Variants in RBMS3 observed in about 807,000 individuals in gnomAD.
RBMS3 encodes RNA-binding motif, single-stranded-interacting protein 3.
In RBMS3, 27 loss-of-function variants were observed where a neutral mutation model predicts 66.8. The ratio of observed to expected loss-of-function variants is 0.40; its 90% confidence interval spans 0.30 to 0.56. The LOEUF (loss-of-function observed/expected upper bound fraction) is 0.56. Among genes scored for constraint, RBMS3 ranks in the 20% least tolerant of loss-of-function variants. The probability of loss-of-function intolerance (pLI) is 0.40; values close to 1 mark genes in which losing one functional copy is unlikely to be tolerated. For synonymous variants in RBMS3, 188 were observed against 183.0 expected (o/e 1.03, Z -0.22); for missense variants, 513 against 549.5 (o/e 0.93, Z 0.66).
At chr3:29,990,998 T>TAGAAG in intron 13 of RBMS3, 84 bp from the exon 14 acceptor site, 3 of 1,372,926 alleles carry the variant, frequency 2.2e-6, no homozygotes, top group Non-Finnish European at 1.0e-6. Flanking sequence ...TTAAGCCAAA[T>TAGAAG]AGAAGAGGGG....
chr3:29,284,582 C>A (rs773746895), intron 1 of RBMS3, among the ~76,000 whole-genome samples: 1 of 151,986 alleles, frequency 6.6e-6, no homozygotes, highest in Non-Finnish European at 1.5e-5. Flanking sequence ...GAAGAACTTG[C>A]GACACTTCCC....
intron 8 of RBMS3, among the ~76,000 whole-genome samples, chr3:29,884,661 G>A (rs2059826696): frequency 6.6e-6 from 1 of 151,802 alleles, no homozygotes; most frequent in African/African-American, 2.4e-5. Context: ...TCAGGTGATT[G>A]CATCTTCATT....
intron 1 of RBMS3, among the ~76,000 whole-genome samples, chr3:29,409,061 G>T (rs1441934727): frequency 6.6e-6 from 1 of 152,150 alleles, no homozygotes; most frequent in Non-Finnish European, 1.5e-5. Context: ...TGAGAAAACA[G>T]CCTCTGTCAG....
At chr3:29,308,851 G>A (rs2034194345) in intron 1 of RBMS3, among the ~76,000 whole-genome samples, 1 of 148,418 alleles carries the variant, frequency 6.7e-6, no homozygotes, top group African/African-American at 2.5e-5. Flanking sequence ...GGAAAACCTT[G>A]AATGCCATGG....
At chr3:29,622,996 A>G (rs997573942) in intron 4 of RBMS3, among the ~76,000 whole-genome samples, 5 of 151,468 alleles carry the variant, frequency 3.3e-5, no homozygotes, top group Non-Finnish European at 7.4e-5. Context: ...GGGCGCCTGT[A>G]GTCCCAGCTA....
intron 3 of RBMS3, among the ~76,000 whole-genome samples, chr3:29,557,524 C>A (rs117276363): frequency 9.9e-5 from 15 of 152,138 alleles, no homozygotes; most frequent in Admixed American, 6.6e-4. Flanking sequence ...TTGCTTGGAA[C>A]GAAGGATTTT....
intron 4 of RBMS3, among the ~76,000 whole-genome samples, chr3:29,637,237 A>G (rs1008520281): frequency 6.6e-6 from 1 of 151,720 alleles, no homozygotes; most frequent in Admixed American, 6.6e-5. Context: ...GCCTGTGCAA[A>G]TGAAGGCAGC....
chr3:29,720,675 T>C (rs1447032502), intron 4 of RBMS3, among the ~76,000 whole-genome samples: 1 of 148,964 alleles, frequency 6.7e-6, no homozygotes, highest in Non-Finnish European at 1.5e-5. Flanking sequence ...TTTTAAGAAT[T>C]CATGAGTTCC....
chr3:29,843,230 G>A (rs1057064889), intron 6 of RBMS3, among the ~76,000 whole-genome samples: 1 of 152,090 alleles, frequency 6.6e-6, no homozygotes, highest in Non-Finnish European at 1.5e-5. Context: ...TTTTTGTCAC[G>A]AGAACGTAAA....
At chr3:29,523,585 C>A (rs2044953668) in intron 3 of RBMS3, among the ~76,000 whole-genome samples, 1 of 152,098 alleles carries the variant, frequency 6.6e-6, no homozygotes, top group South Asian at 2.1e-4. Flanking sequence ...AAAAATACTT[C>A]TCATTGATAG....
At chr3:29,956,299 TGA>T (rs1696038493) in intron 12 of RBMS3, among the ~76,000 whole-genome samples, 1 of 152,118 alleles carries the variant, frequency 6.6e-6, no homozygotes, top group South Asian at 2.1e-4. Context: ...TCAAATCTTG[TGA>T]GTTTTTCTGA....
chr3:29,784,275 C>T (rs980238520), intron 6 of RBMS3, among the ~76,000 whole-genome samples: 2 of 151,754 alleles, frequency 1.3e-5, no homozygotes, highest in Admixed American at 6.6e-5. Context: ...GAGCATTCTC[C>T]AAGATAGACC....
intron 1 of RBMS3, among the ~76,000 whole-genome samples, chr3:29,378,849 AT>A (rs754950960): frequency 2.8e-3 from 260 of 93,220 alleles, no homozygotes; most frequent in Non-Finnish European, 4.6e-3. Context: ...AAACAAAAAA[AT>A]ATATAAAACC....
chr3:29,777,447 C>T (rs1364232320), intron 6 of RBMS3, among the ~76,000 whole-genome samples: 1 of 151,886 alleles, frequency 6.6e-6, no homozygotes, highest in Non-Finnish European at 1.5e-5. Flanking sequence ...TTAATTCTCT[C>T]TTAATGCGTT....
chr3:29,712,865 A>G (rs965107597), intron 4 of RBMS3, among the ~76,000 whole-genome samples: 1 of 152,072 alleles, frequency 6.6e-6, no homozygotes, highest in African/African-American at 2.4e-5. Context: ...AATGAAATAC[A>G]TCTCCAGTTT....
At chr3:29,664,000 A>T (rs1439629729) in intron 4 of RBMS3, among the ~76,000 whole-genome samples, 1 of 152,166 alleles carries the variant, frequency 6.6e-6, no homozygotes, top group Non-Finnish European at 1.5e-5. Flanking sequence ...AGGTATTGAA[A>T]GTTTTCTGAA....
intron 5 of RBMS3, among the ~76,000 whole-genome samples, chr3:29,761,080 A>T (rs1286769342): frequency 6.6e-6 from 1 of 152,092 alleles, no homozygotes; most frequent in African/African-American, 2.4e-5. Flanking sequence ...GACAATGTAG[A>T]TCCCTTTGTT....
At chr3:29,652,741 T>A (rs2050189605) in intron 4 of RBMS3, among the ~76,000 whole-genome samples, 1 of 152,178 alleles carries the variant, frequency 6.6e-6, no homozygotes, top group Non-Finnish European at 1.5e-5. Flanking sequence ...ACTAAAGCTC[T>A]CTAATCTCGG....
chr3:29,762,864 T>C (rs898292197), intron 5 of RBMS3, 46 bp from the exon 6 acceptor site: 10 of 1,311,722 alleles, frequency 7.6e-6, no homozygotes, highest in Non-Finnish European at 1.1e-5. Context: ...TAAGTTTCTT[T>C]TTCTTGACAA....
Sources: allele counts gnomAD v4.1 joint callset (sites outside exome capture counted in the v4.1 genomes callset), GRCh38; gene constraint gnomAD v4.1.1; transcripts MANE v1.5; gene names NCBI Gene and HGNC (gene_info 2026-07-23, HGNC 2026-07-21).